MGAT4C: variants seen among roughly 807,000 people sequenced by gnomAD.
MGAT4C encodes the protein alpha-1,3-mannosyl-glycoprotein 4-beta-N-acetylglucosaminyltransferase C.
MGAT4C carries 19 observed loss-of-function variants against 40.1 expected under a neutral mutation model. The observed-to-expected ratio is 0.47, with a 90% CI of 0.33 to 0.70. MGAT4C has a LOEUF of 0.70. Ranked by LOEUF, MGAT4C falls within the 30% of genes least tolerant of loss-of-function variation. The pLI is 0.02. For missense variants in MGAT4C, 491 were observed against 563.2 expected (o/e 0.87, Z 1.30); for synonymous variants, 181 against 187.1 (o/e 0.97, Z 0.27).
At chr12:86,624,613 A>G (rs1962742620) in intron 2 of MGAT4C, among the ~76,000 whole-genome samples, 1 of 152,306 alleles carries the variant, frequency 6.6e-6, no homozygotes, top group African/African-American at 2.4e-5. Flanking sequence ...CAGCAGCAGC[A>G]AAAGCAAAGA....
At chr12:86,406,621 G>T (rs1469260324) in intron 3 of MGAT4C, among the ~76,000 whole-genome samples, 2 of 151,924 alleles carry the variant, frequency 1.3e-5, no homozygotes, top group Non-Finnish European at 2.9e-5. Flanking sequence ...GCAAAAGTTG[G>T]TGAGAATTCA....
intron 2 of MGAT4C, among the ~76,000 whole-genome samples, chr12:86,568,372 G>C (rs531584870): frequency 6.6e-6 from 1 of 151,888 alleles, no homozygotes; most frequent in Non-Finnish European, 1.5e-5. Context: ...ATGCACTCTT[G>C]GACTTACACT....
chr12:86,025,165 C>A (rs2136881354), intron 2 of MGAT4C, among the ~76,000 whole-genome samples: 1 of 151,440 alleles, frequency 6.6e-6, no homozygotes, highest in Admixed American at 6.6e-5. Flanking sequence ...TTCAGCTTAT[C>A]TTTTTTTCAA....
At chr12:86,417,676 G>A (rs968080912) in intron 3 of MGAT4C, among the ~76,000 whole-genome samples, 3 of 151,948 alleles carry the variant, frequency 2.0e-5, no homozygotes, top group Non-Finnish European at 4.4e-5. Context: ...CTTTGAATGA[G>A]ATATATTTAT....
Position 86,288,346 on chromosome 12 carries a change from T to C in MGAT4C, c.-57+45719A>G, listed in dbSNP as rs1953409522. On this transcript the variant is annotated intron_variant, in intron 4 of 7. Coordinates refer to the MGAT4C transcript ENST00000548651. ...CTTTTGCTGTGCAGAAGCTCTTTAG[T>C]TTAATTAGATCCCATTTGTCAATTT... Among the ~76,000 whole-genome samples the C allele has an allele frequency of 5.9e-5, 9 of 152,296 alleles. 1 individual carries two copies. The highest frequency in any genetic ancestry group is 2.2e-4 in the African/African-American group (9 of 41,564).
intron 1 of MGAT4C, among the ~76,000 whole-genome samples, chr12:86,164,600 A>T (rs1223680315): frequency 6.6e-6 from 1 of 152,172 alleles, no homozygotes; most frequent in Admixed American, 6.5e-5. Flanking sequence ...TTATGAGCAC[A>T]TGTTAGGGAT....
chr12:86,122,553 G>T (rs1879544393), intron 1 of MGAT4C, among the ~76,000 whole-genome samples: 1 of 152,000 alleles, frequency 6.6e-6, no homozygotes, highest in Non-Finnish European at 1.5e-5. Flanking sequence ...TCTCTAAAGT[G>T]GTGTGCAAGC....
intron 1 of MGAT4C, among the ~76,000 whole-genome samples, chr12:86,752,593 A>G (rs929015753): frequency 1.3e-5 from 2 of 152,090 alleles, no homozygotes; most frequent in Non-Finnish European, 2.9e-5. Flanking sequence ...GTGAATATCA[A>G]TATCTTAACA....
intron 3 of MGAT4C, among the ~76,000 whole-genome samples, chr12:86,358,956 T>G (rs1320366342): frequency 6.6e-6 from 1 of 152,182 alleles, no homozygotes; most frequent in East Asian, 1.9e-4. Context: ...GGAATTGAAC[T>G]CAGCTCTGCA....
intron 1 of MGAT4C, among the ~76,000 whole-genome samples, chr12:86,177,535 A>C (rs1402058658): frequency 6.6e-6 from 1 of 152,190 alleles, no homozygotes; most frequent in East Asian, 1.9e-4. Flanking sequence ...ATATCTAAGA[A>C]ATAGAGGTGG....
intron 3 of MGAT4C, among the ~76,000 whole-genome samples, chr12:86,376,218 C>CAAAAAAAAAAAA (rs1166300466): frequency 2.0e-5 from 1 of 50,760 alleles, no homozygotes; most frequent in Non-Finnish European, 3.9e-5. Context: ...TAACACATGT[C>CAAAAAAAAAAAA]AAAAAAAAAA....
rs1451416497 is a variant in MGAT4C, at chr12:85,976,649, ATATATATATGTATATATATAT to A, written c.*2619_*2639del. On this transcript the variant is annotated 3_prime_UTR_variant, in exon 5 of 5. Coordinates refer to ENST00000611864, the MANE Select transcript of MGAT4C (RefSeq NM_001351288.2). ...ATTGTTATTTTTAACAAAGAAAATT[ATATATATATGTATATATATAT>A]TATATATATGTATATATGTATTATA... 6.9e-6 allele frequency: 1 copy of A among 145,184 alleles called. No homozygotes were observed. 9.0% of individuals were successfully genotyped at this position (145,184 alleles called of 1,614,324 possible).
chr12:86,160,423 C>T (rs541255982), intron 1 of MGAT4C, among the ~76,000 whole-genome samples: 55 of 151,904 alleles, frequency 3.6e-4, no homozygotes, highest in Admixed American at 1.4e-3. Context: ...TTCATTGCAC[C>T]GTGGTCTAAG....
chr12:86,041,393 T>G (rs1891824727), intron 2 of MGAT4C, among the ~76,000 whole-genome samples: 1 of 152,166 alleles, frequency 6.6e-6, no homozygotes, highest in African/African-American at 2.4e-5. Flanking sequence ...GTTTCTGCAG[T>G]TCCCCTAGGT....
intron 2 of MGAT4C, among the ~76,000 whole-genome samples, chr12:86,443,089 TG>T (rs952766384): frequency 1.3e-5 from 2 of 152,184 alleles, no homozygotes; most frequent in East Asian, 1.9e-4. Flanking sequence ...AACAATTTTA[TG>T]GGACTTGCAT....
intron 2 of MGAT4C, among the ~76,000 whole-genome samples, chr12:86,004,308 A>G (rs899450309): frequency 2.6e-4 from 39 of 152,168 alleles, no homozygotes; most frequent in African/African-American, 9.4e-4. Flanking sequence ...AAATTTATCA[A>G]TATCCCTGCT....
chr12:86,512,774 G>T (rs1403797330), intron 2 of MGAT4C, among the ~76,000 whole-genome samples: 2 of 152,206 alleles, frequency 1.3e-5, no homozygotes, highest in African/African-American at 2.4e-5. Context: ...CAGAAGATAA[G>T]AGGGAGAGGA....
chr12:86,698,417 G>T (rs944285490), intron 2 of MGAT4C, among the ~76,000 whole-genome samples: 4 of 151,756 alleles, frequency 2.6e-5, no homozygotes, highest in Non-Finnish European at 5.9e-5. Flanking sequence ...TTAACAGATT[G>T]GCAAATACAA....
chr12:86,368,271 G>T (rs1955645579), intron 3 of MGAT4C, among the ~76,000 whole-genome samples: 1 of 152,110 alleles, frequency 6.6e-6, no homozygotes, highest in African/African-American at 2.4e-5. Flanking sequence ...TGCCTGTCTA[G>T]CTAGGGAGTG....
Sources: gnomAD v4.1 joint callset for allele counts (sites outside exome capture counted in the v4.1 genomes callset) on GRCh38, gnomAD v4.1.1 for gene constraint, MANE v1.5 for transcripts, NCBI Gene and HGNC (gene_info 2026-07-23, HGNC 2026-07-21) for gene names.